The following NECAB1 variants were observed in gnomAD, a reference collection of about 807,000 sequenced individuals.
NECAB1 encodes N-terminal EF-hand calcium-binding protein 1.
In NECAB1, 29 loss-of-function variants were observed where a neutral mutation model predicts 57.5. The ratio of observed to expected loss-of-function variants is 0.50; its 90% confidence interval spans 0.38 to 0.69. NECAB1 has a LOEUF of 0.69. NECAB1 is among the 30% of genes least tolerant of loss of function. The probability of loss-of-function intolerance (pLI) is 0.00; values close to 1 mark genes in which losing one functional copy is unlikely to be tolerated. For synonymous variants in NECAB1, 142 were observed against 147.7 expected (o/e 0.96, Z 0.28); for missense variants, 372 against 413.8 (o/e 0.90, Z 0.88).
chr8:90,849,862 G>T (rs1410194656), intron 3 of NECAB1, among the ~76,000 whole-genome samples: 1 of 151,776 alleles, frequency 6.6e-6, no homozygotes, highest in Non-Finnish European at 1.5e-5. Context: ...TAACAAAACG[G>T]CCATAGTGGA....
intron 3 of NECAB1, among the ~76,000 whole-genome samples, chr8:90,842,236 T>C (rs1416284840): frequency 6.6e-6 from 1 of 152,158 alleles, no homozygotes; most frequent in East Asian, 1.9e-4. Flanking sequence ...CTGGGGAGTA[T>C]TACATCATAG....
chr8:90,851,095 G>A (rs893631548), intron 3 of NECAB1, among the ~76,000 whole-genome samples: 2 of 152,076 alleles, frequency 1.3e-5, no homozygotes, highest in Non-Finnish European at 2.9e-5. Flanking sequence ...CTAAATGATG[G>A]GGTTAAGACA....
intron 2 of NECAB1, among the ~76,000 whole-genome samples, chr8:90,809,986 T>C (rs1180168308): frequency 6.6e-6 from 1 of 152,214 alleles, no homozygotes; most frequent in Non-Finnish European, 1.5e-5. Context: ...TGTATAACAA[T>C]ATTGCAAGGA....
chr8:90,860,449 A>G (rs954368794), intron 3 of NECAB1, among the ~76,000 whole-genome samples: 1 of 152,108 alleles, frequency 6.6e-6, no homozygotes, highest in Non-Finnish European at 1.5e-5. Flanking sequence ...TAGTATGAAG[A>G]TAACAGATGT....
At chr8:90,836,264 C>T (rs1258512508) in intron 3 of NECAB1, among the ~76,000 whole-genome samples, 1 of 152,082 alleles carries the variant, frequency 6.6e-6, no homozygotes, top group Non-Finnish European at 1.5e-5. Flanking sequence ...AAAGAAGCTC[C>T]TGCTACACCG....
In NECAB1 at chr8:90,957,448, A is replaced by C. The variant is rs552410759; in HGVS notation, c.*1936A>C. 2.0e-5 allele frequency: 3 copies of C among 151,878 alleles called. No individual in the cohort carries two copies. The highest frequency in any genetic ancestry group is 3.9e-4 in the East Asian group (2 of 5,182). The allele number at this position is 151,878 out of a possible 1,614,324, so 9.4% of individuals were successfully genotyped here. A position where few individuals can be genotyped will look rare whatever the true frequency, so the allele number is the denominator to read the frequency against. On this transcript the variant is annotated 3_prime_UTR_variant, in exon 13 of 13. Coordinates refer to ENST00000417640, the MANE Select transcript of NECAB1 (RefSeq NM_022351.5). ...GGATCTGCAGATTCCAAACTGGAAT[A>C]AGCTCTATCATATTCTGAAACAAGA...
At chr8:90,940,386 T>C (rs1586144265) in intron 9 of NECAB1, 1 of 159,466 alleles carries the variant, frequency 6.3e-6, no homozygotes, top group South Asian at 1.9e-4. Flanking sequence ...CTTTAAAAAT[T>C]GGTAAGTTGT....
At chr8:90,820,707 T>A (rs1812130327) in intron 2 of NECAB1, among the ~76,000 whole-genome samples, 1 of 151,430 alleles carries the variant, frequency 6.6e-6, no homozygotes, top group African/African-American at 2.4e-5. Context: ...GAAGCACTAG[T>A]TTTAAGATTT....
At chr8:90,924,498 A>T (rs550819505) in intron 6 of NECAB1, among the ~76,000 whole-genome samples, 5 of 152,336 alleles carry the variant, frequency 3.3e-5, no homozygotes, top group Non-Finnish European at 5.9e-5. Flanking sequence ...TAAACACAGA[A>T]GGATTATATC....
At chr8:90,804,327 T>C (rs908802273) in intron 2 of NECAB1, among the ~76,000 whole-genome samples, 2 of 150,666 alleles carry the variant, frequency 1.3e-5, no homozygotes, top group Non-Finnish European at 3.0e-5. Context: ...ATCGAACTCA[T>C]AGAAGCAGGG....
chr8:90,911,883 C>T (rs1467698413), intron 5 of NECAB1, among the ~76,000 whole-genome samples: 3 of 152,146 alleles, frequency 2.0e-5, no homozygotes, highest in East Asian at 3.8e-4. Context: ...GCTAGATACC[C>T]TACTGTGTGT....
chr8:90,798,350 G>A (rs1811697944), intron 1 of NECAB1, among the ~76,000 whole-genome samples: 1 of 152,146 alleles, frequency 6.6e-6, no homozygotes, highest in Admixed American at 6.5e-5. Flanking sequence ...TGTTACGTGG[G>A]TGTATCACAT....
intron 5 of NECAB1, among the ~76,000 whole-genome samples, chr8:90,884,792 G>A (rs1212846206): frequency 1.3e-5 from 2 of 152,168 alleles, no homozygotes; most frequent in Admixed American, 6.5e-5. Context: ...AGAGGAAGTA[G>A]AGACTAGGAG....
At chr8:90,885,705 T>C (rs1808965720) in intron 5 of NECAB1, among the ~76,000 whole-genome samples, 2 of 152,214 alleles carry the variant, frequency 1.3e-5, no homozygotes, top group African/African-American at 2.4e-5. Context: ...AATTTTTTTT[T>C]ATTTAAGGTT....
At chr8:90,942,404 G>A (rs1810692561) in intron 10 of NECAB1, among the ~76,000 whole-genome samples, 1 of 152,116 alleles carries the variant, frequency 6.6e-6, no homozygotes, top group African/African-American at 2.4e-5. Context: ...TTCCAGTAGT[G>A]CCTTTGAAAC....
intron 5 of NECAB1, among the ~76,000 whole-genome samples, chr8:90,897,433 A>G (rs1809383116): frequency 6.6e-6 from 1 of 152,210 alleles, no homozygotes; most frequent in African/African-American, 2.4e-5. Flanking sequence ...ATTACATGAC[A>G]TATGCTAGGT....
chr8:90,872,553 A>G (rs1308616351), intron 4 of NECAB1: 2 of 155,932 alleles, frequency 1.3e-5, no homozygotes, highest in East Asian at 3.7e-4. Flanking sequence ...ACTTTGTCTC[A>G]TACCTGCCTA....
rs1360300232 is a variant in NECAB1, at chr8:90,896,582, G to A, written c.357+15452G>A. Among the ~76,000 whole-genome samples the A allele has an allele frequency of 2.6e-5, 4 of 151,848 alleles. No homozygotes were observed. In the East Asian group the frequency reaches 7.7e-4, roughly 29 times the overall value. ...ATCGTGCCACTGCACTCCAGCCTGG[G>A]CGACAGAGCGAGACTCCGTCTCAAA... is the stretch of plus-strand genomic sequence containing the variant. On this transcript the variant is annotated intron_variant, in intron 5 of 12. Transcript: ENST00000417640.
At chr8:90,833,970 C>A (rs1334481711) in intron 3 of NECAB1, among the ~76,000 whole-genome samples, 3 of 151,968 alleles carry the variant, frequency 2.0e-5, no homozygotes, top group Non-Finnish European at 2.9e-5. Context: ...CGAGACCAGC[C>A]TGGCCAACAT....
Sources: gnomAD v4.1 joint callset for allele counts (sites outside exome capture counted in the v4.1 genomes callset) on GRCh38, gnomAD v4.1.1 for gene constraint, MANE v1.5 for transcripts, NCBI Gene and HGNC (gene_info 2026-07-23, HGNC 2026-07-21) for gene names.